Variants in GRIK2 observed in about 807,000 individuals in gnomAD.
The protein encoded by GRIK2 is glutamate ionotropic receptor kainate type subunit 2, also known as glutamate receptor ionotropic, kainate 2.
A neutral mutation model predicts 100.3 loss-of-function variants in GRIK2; 32 were observed. The observed-to-expected ratio is 0.32, with a 90% CI of 0.24 to 0.43. GRIK2 has a LOEUF of 0.43. Among genes scored for constraint, GRIK2 ranks in the 20% least tolerant of loss-of-function variants. GRIK2 has a pLI of 1.00. For synonymous variants in GRIK2, 417 were observed against 389.4 expected, an observed-to-expected ratio of 1.07 and a Z score of -0.83; for missense variants, 843 against 1,114.9, an observed-to-expected ratio of 0.76 and a Z score of 3.47.
rs1175625747 is a variant in GRIK2 at position 101,842,571 on chromosome 6, CAGAGT to C, written c.1318-16714_1318-16710del. Among the ~76,000 whole-genome samples, 8 of 152,218 alleles carry C rather than the reference CAGAGT, an allele frequency of 5.3e-5. No homozygotes were observed. In the East Asian group the frequency reaches 1.5e-3, roughly 29 times the overall value. ...TGAGAGAAGCAACTCTGTCTTAAAG[CAGAGT>C]ATTTTCTTTAAAATGATAGGTATTC... On this transcript the variant is annotated intron_variant, in intron 10 of 16. Transcript: ENST00000369134.
At chr6:101,881,146 T>C (rs1278308263) in intron 11 of GRIK2, among the ~76,000 whole-genome samples, 2 of 151,914 alleles carry the variant, frequency 1.3e-5, no homozygotes, top group African/African-American at 4.8e-5. Context: ...CTTTATTGTT[T>C]ATAGTTGTGT....
intron 4 of GRIK2, among the ~76,000 whole-genome samples, chr6:101,660,587 G>A (rs1053236066): frequency 1.7e-4 from 26 of 152,000 alleles, no homozygotes; most frequent in African/African-American, 3.4e-4. Context: ...TTTTTGTGCT[G>A]GTTTTTCCTT....
Position 101,739,867 on chromosome 6 carries a change from C to T in GRIK2, c.951+53514C>T, listed in dbSNP as rs1263173298. On this transcript the variant is annotated intron_variant, in intron 7 of 16. Transcript: ENST00000369134. ...ATTTTCTGTAAGACATGGCCTAACC[C>T]GAAAAGTATAAGGAGGCTGTTAAAT... 4.6e-5 allele frequency among the ~76,000 whole-genome samples: 7 copies of T among 152,148 alleles called. No homozygotes were observed. The East Asian group carries it at 1.2e-3, about 25-fold the overall frequency.
chr6:101,725,053 T>A (rs1183463182), intron 7 of GRIK2, among the ~76,000 whole-genome samples: 1 of 147,376 alleles, frequency 6.8e-6, no homozygotes, highest in African/African-American at 2.5e-5. Context: ...TATTTTCTTT[T>A]ACTTTGTGAA....
chr6:101,473,800 G>A (rs2248959), intron 2 of GRIK2, among the ~76,000 whole-genome samples: 39,807 of 151,626 alleles, frequency 0.26, 5,889 homozygotes, highest in East Asian at 0.36. Context: ...GCTTTGAGGA[G>A]TAGATGTGGT....
chr6:101,925,547 G>C (rs1041561592), intron 13 of GRIK2, among the ~76,000 whole-genome samples: 5 of 147,982 alleles, frequency 3.4e-5, no homozygotes, highest in South Asian at 2.2e-4. Flanking sequence ...TATTAGTCAA[G>C]GTCTAAGACT....
At chr6:101,567,676 C>G (rs1041838440) in intron 2 of GRIK2, among the ~76,000 whole-genome samples, 3 of 152,052 alleles carry the variant, frequency 2.0e-5, no homozygotes, top group African/African-American at 4.8e-5. Context: ...TGTTTGGAAT[C>G]TAAACCTTAA....
chr6:101,799,527 T>C, intron 7 of GRIK2, 121 bp from the exon 8 acceptor site: 1 of 736,500 alleles, frequency 1.4e-6, no homozygotes, highest in East Asian at 2.5e-5. Context: ...TTTTCTTCTT[T>C]ATACAAAGAA....
Position 101,819,979 on chromosome 6 carries a change from G to T in GRIK2, c.1317+1496G>T, listed in dbSNP as rs567568737. On this transcript the variant is annotated intron_variant, in intron 10 of 16. Transcript: ENST00000369134. ...CAACAAATTTAAATTTTTATATATA[G>T]GGTCCTCTATGGTCTTACTCTCTCT... 2.0e-5 allele frequency among the ~76,000 whole-genome samples: 3 copies of T among 152,056 alleles called. No individual in the cohort carries two copies. In the South Asian group the frequency reaches 6.2e-4, roughly 32 times the overall value.
chr6:101,581,881 A>G (rs147137304), intron 2 of GRIK2, among the ~76,000 whole-genome samples: 341 of 152,188 alleles, frequency 2.2e-3, no homozygotes, highest in Non-Finnish European at 3.3e-3. Context: ...TGGATTTCAG[A>G]CAAAAAAGAT....
chr6:101,829,985 AAG>A (rs1782571942), intron 10 of GRIK2, among the ~76,000 whole-genome samples: 1 of 152,072 alleles, frequency 6.6e-6, no homozygotes. Context: ...TCTATACAAA[AAG>A]AGAAAAGCCA....
intron 7 of GRIK2, among the ~76,000 whole-genome samples, chr6:101,729,717 A>G (rs946853504): frequency 1.3e-5 from 2 of 151,680 alleles, no homozygotes; most frequent in African/African-American, 4.8e-5. Flanking sequence ...GAGAATTCCA[A>G]TTTTTCTCAT....
chr6:101,975,144 A>C (rs964906109), intron 14 of GRIK2, among the ~76,000 whole-genome samples: 1 of 151,960 alleles, frequency 6.6e-6, no homozygotes, highest in African/African-American at 2.4e-5. Context: ...GGAAAATAGT[A>C]GAGAAAAATC....
chr6:101,930,566 C>A (rs76915264), intron 14 of GRIK2, among the ~76,000 whole-genome samples: 1,721 of 151,888 alleles, frequency 0.011, 33 homozygotes, highest in African/African-American at 0.039. Context: ...ATAAACATTT[C>A]CGTTTTAATT....
chr6:101,666,177 T>C (rs1770015392), intron 4 of GRIK2, among the ~76,000 whole-genome samples: 1 of 152,138 alleles, frequency 6.6e-6, no homozygotes, highest in African/African-American at 2.4e-5. Context: ...GGATACAATT[T>C]ATAGCAGCAA....
At chr6:101,636,584 A>G (rs1478571201) in intron 4 of GRIK2, among the ~76,000 whole-genome samples, 1 of 152,192 alleles carries the variant, frequency 6.6e-6, no homozygotes, top group African/African-American at 2.4e-5. Context: ...CTAATTCTCA[A>G]GTTTTAAAAC....
chr6:101,713,209 A>T (rs1407828826), intron 7 of GRIK2, among the ~76,000 whole-genome samples: 7 of 151,732 alleles, frequency 4.6e-5, no homozygotes, highest in African/African-American at 1.7e-4. Flanking sequence ...AAATTATACC[A>T]TTAATAAACT....
chr6:101,763,353 G>A (rs529396980), intron 7 of GRIK2, among the ~76,000 whole-genome samples: 1 of 152,058 alleles, frequency 6.6e-6, no homozygotes, highest in Non-Finnish European at 1.5e-5. Flanking sequence ...TCTAGAAATG[G>A]CATATAAGTC....
At chr6:101,712,839 G>T (rs2128360086) in intron 7 of GRIK2, among the ~76,000 whole-genome samples, 1 of 151,830 alleles carries the variant, frequency 6.6e-6, no homozygotes, top group African/African-American at 2.4e-5. Context: ...GCTCTTGTAG[G>T]CTTTAAATTC....
Sources: allele counts gnomAD v4.1 joint callset (sites outside exome capture counted in the v4.1 genomes callset), GRCh38; gene constraint gnomAD v4.1.1; transcripts MANE v1.5; gene names NCBI Gene and HGNC (gene_info 2026-07-23, HGNC 2026-07-21).